Variants in LRRC8C observed in about 807,000 individuals in gnomAD.
LRRC8C encodes leucine rich repeat containing 8 VRAC subunit C.
Under a neutral mutation model 55.3 loss-of-function variants are expected in LRRC8C, and 20 were observed. That is an observed-to-expected ratio of 0.36 (90% CI 0.25 to 0.53). The LOEUF (loss-of-function observed/expected upper bound fraction) is 0.53, where lower values mean the gene tolerates loss of function less well. Ranked by LOEUF, LRRC8C falls within the 20% of genes least tolerant of loss-of-function variation. LRRC8C has a pLI of 0.92. For missense variants in LRRC8C, 659 were observed against 951.4 expected, an observed-to-expected ratio of 0.69 and a Z score of 4.04; for synonymous variants, 376 against 360.7, an observed-to-expected ratio of 1.04 and a Z score of -0.48.
Position 89,713,637 on chromosome 1 carries a change from A to G in LRRC8C, c.1067A>G (p.Gln356Arg). 6.2e-7 allele frequency: 1 copy of G among 1,614,192 alleles called. No homozygotes were observed. The highest frequency in any genetic ancestry group is 1.7e-5 in the Admixed American group (1 of 60,032). The change falls in exon 3 of 3, where the codon CAG becomes CGG. Residue 356 changes from glutamine (Q) to arginine (R), a missense_variant. Coordinates refer to ENST00000370454, the MANE Select transcript of LRRC8C (RefSeq NM_032270.5). This position sits in a 1 kb window ranked among gnomAD's most constrained non-coding sequence, Gnocchi z 5.2. ...GAATATTCCTTTGAGTATGTCCGTC[A>G]GGAGACTGGAATTGATGATATTCCA... The part of the protein sequence containing the change: ...LREYSFEYVR[Q>R]ETGIDDIPDV...
At chr1:89,678,742 G>A (rs908820125) in intron 1 of LRRC8C, among the ~76,000 whole-genome samples, 11 of 150,672 alleles carry the variant, frequency 7.3e-5, no homozygotes, top group African/African-American at 2.4e-4. Context: ...ATAAATGAGG[G>A]TTTTTTGACA....
upstream of LRRC8C, among the ~76,000 whole-genome samples, chr1:89,630,422 T>C (rs1656076931): frequency 1.3e-5 from 2 of 152,208 alleles, no homozygotes; most frequent in African/African-American, 2.4e-5. Flanking sequence ...CCCAGAAATA[T>C]CTACTTCTGC....
intron 1 of LRRC8C, among the ~76,000 whole-genome samples, chr1:89,677,799 G>A (rs998782646): frequency 1.1e-4 from 17 of 152,192 alleles, no homozygotes; most frequent in African/African-American, 4.1e-4. Flanking sequence ...TTCTGCTTCA[G>A]TGGATTTTTC....
chr1:89,695,586 A>T (rs1658152614), intron 2 of LRRC8C, among the ~76,000 whole-genome samples: 2 of 152,244 alleles, frequency 1.3e-5, no homozygotes, highest in African/African-American at 4.8e-5. Context: ...TATATCAGTT[A>T]GTAGTCACTT....
Position 89,713,087 on chromosome 1 carries a change from C to A in LRRC8C, c.517C>A (p.Arg173=). ...GTGTTTTGACTCTCCTTGGACCACACGGGCTTTATCTGAAGTGTCTGGGGA... is the reference window on the plus strand; with the variant it reads ...GTGTTTTGACTCTCCTTGGACCACAAGGGCTTTATCTGAAGTGTCTGGGGA... ...GKCFDSPWTT[R]ALSEVSGEDS... is the part of the protein sequence containing the mutation. The change falls in exon 3 of 3, where the codon CGG becomes AGG. Residue 173 remains arginine (R), a synonymous_variant. Transcript: ENST00000370454. This position sits in a 1 kb window ranked among gnomAD's most constrained non-coding sequence, Gnocchi z 5.2. The A allele has an allele frequency of 1.9e-6, 3 of 1,614,140 alleles. No homozygotes were observed. Among genetic ancestry groups the A allele is most frequent in the Non-Finnish European group, 2.5e-6 (3 of 1,180,014 alleles).
rs1481181823 is a variant in LRRC8C, at chr1:89,672,967, C to A, written c.-4-13503C>A. Among the ~76,000 whole-genome samples, 6 of 152,190 alleles carry A rather than the reference C, an allele frequency of 3.9e-5. No homozygotes were observed. The South Asian group carries it at 1.0e-3, about 26-fold the overall frequency. On this transcript the variant is annotated intron_variant, in intron 1 of 2. Coordinates refer to ENST00000370454, the MANE Select transcript of LRRC8C (RefSeq NM_032270.5). ...AACATCCCCACAGTTGTTTCATAAACCCTGTCCTTTCCCTTGGCCCTAAGC... is the reference window on the plus strand; with the variant it reads ...AACATCCCCACAGTTGTTTCATAAAACCTGTCCTTTCCCTTGGCCCTAAGC...
At chr1:89,674,238 G>A (rs1218293425) in intron 1 of LRRC8C, among the ~76,000 whole-genome samples, 2 of 151,776 alleles carry the variant, frequency 1.3e-5, no homozygotes, top group Admixed American at 6.6e-5. Flanking sequence ...ATAGATGTTC[G>A]GCACAATGTA....
chr1:89,616,906 C>G, the LRRC8C span, among the ~76,000 whole-genome samples: 2 of 152,146 alleles, frequency 1.3e-5, no homozygotes, highest in Non-Finnish European at 2.9e-5. Context: ...CTATATGTGT[C>G]TTCATAAGCT....
At chr1:89,628,000 A>C in the LRRC8C span, among the ~76,000 whole-genome samples, 3 of 152,184 alleles carry the variant, frequency 2.0e-5, no homozygotes, top group Non-Finnish European at 2.9e-5. Context: ...GAAATCCAGA[A>C]CACTTCTGGT....
upstream of LRRC8C, among the ~76,000 whole-genome samples, chr1:89,628,585 G>C (rs1366709546): frequency 1.3e-5 from 2 of 152,142 alleles, no homozygotes; most frequent in Non-Finnish European, 2.9e-5. Context: ...ATGAAGTATG[G>C]AAAGCTGTGT....
chr1:89,657,739 CAAAAAA>C (rs138148934), intron 1 of LRRC8C, among the ~76,000 whole-genome samples: 4 of 98,872 alleles, frequency 4.0e-5, no homozygotes, highest in East Asian at 2.9e-4. Context: ...GACTCTGTAT[CAAAAAA>C]AAAAAAAAAA....
At chr1:89,673,497 C>T (rs1298690458) in intron 1 of LRRC8C, among the ~76,000 whole-genome samples, 1 of 152,172 alleles carries the variant, frequency 6.6e-6, no homozygotes, top group Admixed American at 6.5e-5. Context: ...AATACTGTAC[C>T]GTTTGTCAAT....
At chr1:89,635,543 G>A (rs1656255651) in intron 1 of LRRC8C, among the ~76,000 whole-genome samples, 1 of 152,198 alleles carries the variant, frequency 6.6e-6, no homozygotes, top group Admixed American at 6.5e-5. Context: ...GTGCCTGAAT[G>A]AAGCCAAGCC....
upstream of LRRC8C, among the ~76,000 whole-genome samples, chr1:89,629,037 A>T (rs1656042257): frequency 6.6e-6 from 1 of 152,156 alleles, no homozygotes; most frequent in Non-Finnish European, 1.5e-5. Flanking sequence ...CTCTGGTACA[A>T]ATTCAACTGC....
intron 1 of LRRC8C, among the ~76,000 whole-genome samples, chr1:89,675,638 G>C (rs971846872): frequency 1.3e-5 from 2 of 152,220 alleles, no homozygotes; most frequent in African/African-American, 4.8e-5. Context: ...CTTAGCTTTT[G>C]GATGTTGAGA....
chr1:89,627,582 T>C, the LRRC8C span, among the ~76,000 whole-genome samples: 19 of 152,298 alleles, frequency 1.2e-4, 1 homozygote, highest in East Asian at 3.7e-3. Context: ...AAGTACATTA[T>C]TAACCTTACT....
chr1:89,673,340 T>C (rs1657472001), intron 1 of LRRC8C, among the ~76,000 whole-genome samples: 1 of 152,172 alleles, frequency 6.6e-6, no homozygotes, highest in Non-Finnish European at 1.5e-5. Context: ...TGCAAGTTGA[T>C]ACATTACTAG....
chr1:89,707,087 C>T (rs1184699410), intron 2 of LRRC8C, among the ~76,000 whole-genome samples: 4 of 152,088 alleles, frequency 2.6e-5, no homozygotes, highest in Non-Finnish European at 4.4e-5. Context: ...GTATTTTATA[C>T]TCCTGGATGT....
chr1:89,678,699 T>TAAAA (rs113109949), intron 1 of LRRC8C, among the ~76,000 whole-genome samples: 9 of 131,468 alleles, frequency 6.8e-5, no homozygotes, highest in Admixed American at 1.5e-4. Flanking sequence ...AAATTCTGTC[T>TAAAA]AAAAAAAAAA....
Sources: allele counts gnomAD v4.1 joint callset (sites outside exome capture counted in the v4.1 genomes callset), GRCh38; gene constraint gnomAD v4.1.1; non-coding constraint Gnocchi (gnomAD v3.1); transcripts MANE v1.5; gene names NCBI Gene and HGNC (gene_info 2026-07-23, HGNC 2026-07-21).